The following PPARGC1B variants were observed in gnomAD, a reference collection of about 807,000 sequenced individuals.
PPARGC1B encodes the protein peroxisome proliferator-activated receptor gamma coactivator 1-beta.
A neutral mutation model predicts 101.6 loss-of-function variants in PPARGC1B; 34 were observed. The observed-to-expected ratio is 0.33, with a 90% CI of 0.25 to 0.45. The LOEUF is 0.45. Among genes scored for constraint, PPARGC1B ranks in the 20% least tolerant of loss-of-function variants. The pLI, the probability that PPARGC1B is intolerant of heterozygous loss-of-function variation, is 1.00. For missense variants in PPARGC1B, 1,234 were observed against 1,317.6 expected (o/e 0.94, Z 0.98); for synonymous variants, 548 against 539.3 (o/e 1.02, Z -0.22).
At chr5:149,771,156 T>C (rs920176225) in intron 1 of PPARGC1B, among the ~76,000 whole-genome samples, 10 of 152,204 alleles carry the variant, frequency 6.6e-5, no homozygotes, top group Admixed American at 5.9e-4. Flanking sequence ...CGTGTGCGCA[T>C]GCAGGCGGAT....
At chr5:149,743,158 T>A (rs898561115) in intron 1 of PPARGC1B, among the ~76,000 whole-genome samples, 4 of 149,214 alleles carry the variant, frequency 2.7e-5, no homozygotes, top group African/African-American at 9.8e-5. Context: ...GTTTATTCTT[T>A]TTTTTTTTTT....
Position 149,832,674 on chromosome 5 carries a change from A to G in PPARGC1B, c.601A>G (p.Lys201Glu). 1 of 1,546,906 alleles carries G rather than the reference A, an allele frequency of 6.5e-7. No individual in the cohort carries two copies. Among genetic ancestry groups the G allele is most frequent in the Non-Finnish European group, 8.7e-7 (1 of 1,143,614 alleles). Reference sequence around the variant, plus strand: ...TCTCTAGGCGGACAGCACCCAAGACAAGAAGGCTCCCATGATGCAGTCTCA... The same window carrying G: ...TCTCTAGGCGGACAGCACCCAAGACGAGAAGGCTCCCATGATGCAGTCTCA... The part of the protein sequence containing the change: ...PCVKADSTQD[K>E]KAPMMQSQSR... Residue 201 changes from lysine to glutamate, a missense_variant, in exon 5 of 12, where the codon AAG (lysine) becomes GAG (glutamate). Lys to Glu is a moderately conservative substitution (Grantham distance 56, BLOSUM62 1). Around this residue, in one of 3 missense-constraint regions of PPARGC1B, gnomAD observed 734 missense variants for 768.4 expected, o/e 0.96. Transcript: ENST00000309241. The surrounding 1 kb of genome is among the most constrained non-coding windows in gnomAD (Gnocchi z 4.9).
chr5:149,834,768 G>A, intron 6 of PPARGC1B, 58 bp downstream of exon 6: 8 of 1,506,634 alleles, frequency 5.3e-6, no homozygotes, highest in Non-Finnish European at 6.5e-6. Flanking sequence ...TGTTGGATGT[G>A]TGTGTTGGTG....
intron 1 of PPARGC1B, among the ~76,000 whole-genome samples, chr5:149,818,316 T>C (rs1343041430): frequency 6.6e-6 from 1 of 152,248 alleles, no homozygotes; most frequent in Non-Finnish European, 1.5e-5. Flanking sequence ...TCACAGTGCC[T>C]GGCTCAGAGT....
At chr5:149,827,721 G>A (rs139817861) in intron 3 of PPARGC1B, among the ~76,000 whole-genome samples, 6 of 152,332 alleles carry the variant, frequency 3.9e-5, no homozygotes, top group South Asian at 4.1e-4. Flanking sequence ...CGGTGTGAGC[G>A]TGTGCGGAAT....
intron 1 of PPARGC1B, among the ~76,000 whole-genome samples, chr5:149,763,823 G>C (rs553780190): frequency 6.8e-4 from 102 of 149,288 alleles, no homozygotes; most frequent in Non-Finnish European, 1.3e-3. Flanking sequence ...AGTCTCTGTC[G>C]CTCGGGCTGG....
At chr5:149,802,768 T>C (rs1478813564) in intron 1 of PPARGC1B, among the ~76,000 whole-genome samples, 1 of 152,068 alleles carries the variant, frequency 6.6e-6, no homozygotes, top group African/African-American at 2.4e-5. Flanking sequence ...ATTTTTGGCT[T>C]CCCAAACTTA....
chr5:149,746,527 T>C (rs1486885791), intron 1 of PPARGC1B, among the ~76,000 whole-genome samples: 2 of 152,230 alleles, frequency 1.3e-5, no homozygotes, highest in Non-Finnish European at 2.9e-5. Context: ...TGCTTTCACA[T>C]TTTAGCTATT....
intron 1 of PPARGC1B, among the ~76,000 whole-genome samples, chr5:149,778,877 A>G (rs1756492265): frequency 6.6e-6 from 1 of 152,120 alleles, no homozygotes; most frequent in Non-Finnish European, 1.5e-5. Flanking sequence ...TTTTTCCAGG[A>G]TTCCAGAAAA....
Position 149,782,734 on chromosome 5 carries a change from C to G in PPARGC1B, c.79-37699C>G, listed in dbSNP as rs1024554363. Among the ~76,000 whole-genome samples the G allele has an allele frequency of 2.0e-5, 3 of 152,202 alleles. No individual in the cohort carries two copies. In the South Asian group the frequency reaches 6.2e-4, roughly 32 times the overall value. On this transcript the variant is annotated intron_variant, in intron 1 of 11. Coordinates refer to ENST00000309241, the MANE Select transcript of PPARGC1B (RefSeq NM_133263.4). ...AGCTGGGATTTGGGGTCACGAGGCC[C>G]CGGGTGCTGGGATGGCCTGATGCCT...
At chr5:149,818,929 A>G (rs1171145331) in intron 1 of PPARGC1B, 4 of 453,458 alleles carry the variant, frequency 8.8e-6, no homozygotes, top group African/African-American at 2.0e-5. Flanking sequence ...GGGGATCTCA[A>G]CTCACTTCTG....
chr5:149,843,795 T>G (rs1206847409), intron 10 of PPARGC1B, among the ~76,000 whole-genome samples: 3 of 151,948 alleles, frequency 2.0e-5, no homozygotes, highest in Non-Finnish European at 4.4e-5. Flanking sequence ...ATACATAGAG[T>G]GGAATATTAT....
At chr5:149,777,126 C>T (rs1187524624) in intron 1 of PPARGC1B, among the ~76,000 whole-genome samples, 1 of 152,214 alleles carries the variant, frequency 6.6e-6, no homozygotes, top group African/African-American at 2.4e-5. Context: ...CAGTCTGAAT[C>T]TGTTCTTCTT....
At chr5:149,742,522 TGAG>T (rs1444480054) in intron 1 of PPARGC1B, among the ~76,000 whole-genome samples, 2 of 152,302 alleles carry the variant, frequency 1.3e-5, no homozygotes, top group South Asian at 2.1e-4. Context: ...CTGACTGTGC[TGAG>T]GAGTTTGGAC....
At chr5:149,788,567 C>T (rs1756894369) in intron 1 of PPARGC1B, among the ~76,000 whole-genome samples, 1 of 152,170 alleles carries the variant, frequency 6.6e-6, no homozygotes, top group Non-Finnish European at 1.5e-5. Flanking sequence ...CCAGCCATCC[C>T]ATTACTGGAT....
At chr5:149,769,543 T>C (rs533608570) in intron 1 of PPARGC1B, among the ~76,000 whole-genome samples, 28 of 152,188 alleles carry the variant, frequency 1.8e-4, no homozygotes, top group Non-Finnish European at 3.7e-4. Context: ...TCCCCGGCCA[T>C]GCCCTCGTCC....
rs78624741 is a variant in PPARGC1B, at chr5:149,736,367, C to CTT, written c.78+5959_78+5960dup. Among the ~76,000 whole-genome samples the CTT allele has an allele frequency of 1.8e-3, 256 of 143,178 alleles. 2 individuals carry two copies. The highest frequency in any genetic ancestry group is 6.2e-3 in the African/African-American group (244 of 39,490). The allele number at this position is 143,178 out of a possible 152,430, so 93.9% of individuals were successfully genotyped here. A position where few individuals can be genotyped will look rare whatever the true frequency, so the allele number is the denominator to read the frequency against. ...TGGAGCTAATTTTCATGCATGCAATCTTTTTTTTTTTTTGCGTAAAAAAGA... is the reference window on the plus strand; with the variant it reads ...TGGAGCTAATTTTCATGCATGCAATCTTTTTTTTTTTTTTTGCGTAAAAAAGA... On this transcript the variant is annotated intron_variant, in intron 1 of 11. Transcript: ENST00000309241.
intron 1 of PPARGC1B, among the ~76,000 whole-genome samples, chr5:149,790,400 C>T (rs1169997248): frequency 2.0e-5 from 3 of 152,054 alleles, no homozygotes; most frequent in South Asian, 2.1e-4. Flanking sequence ...GGTGTGCCTC[C>T]GCTCTCACCC....
rs182049805 is a variant in PPARGC1B at position 149,815,991 on chromosome 5, G to C, written c.79-4442G>C. 1.2e-3 allele frequency among the ~76,000 whole-genome samples: 183 copies of C among 152,338 alleles called. 1 individual carries two copies. The highest frequency in any genetic ancestry group is 4.2e-3 in the African/African-American group (174 of 41,576). ...TAAGGGCTCCATAATAGCAGCGGCTGTTAGTTTGTGCTTCAACCTCCCAGC... is the reference window on the plus strand; with the variant it reads ...TAAGGGCTCCATAATAGCAGCGGCTCTTAGTTTGTGCTTCAACCTCCCAGC... On this transcript the variant is annotated intron_variant, in intron 1 of 11. Transcript: ENST00000309241.
Sources: gnomAD v4.1 joint callset for allele counts (sites outside exome capture counted in the v4.1 genomes callset) on GRCh38, gnomAD v4.1.1 for gene constraint, gnomAD v4.1.1 regional missense constraint, Gnocchi (gnomAD v3.1) non-coding constraint, MANE v1.5 for transcripts, NCBI Gene and HGNC (gene_info 2026-07-23, HGNC 2026-07-21) for gene names.